The following GULP1 variants were observed in gnomAD, a reference collection of about 807,000 sequenced individuals.
The protein encoded by GULP1 is GULP PTB domain containing engulfment adaptor 1.
Under a neutral mutation model 40.9 loss-of-function variants are expected in GULP1, and 19 were observed. The observed-to-expected ratio is 0.46, with a 90% CI of 0.32 to 0.68. GULP1 has a LOEUF of 0.68. Ranked by LOEUF, GULP1 falls within the 30% of genes least tolerant of loss-of-function variation. GULP1 has a pLI of 0.03. For missense variants in GULP1, 312 were observed against 362.2 expected (o/e 0.86, Z 1.12); for synonymous variants, 119 against 117.6 (o/e 1.01, Z -0.08).
At chr2:188,429,830 C>G (rs924933084) in intron 2 of GULP1, among the ~76,000 whole-genome samples, 2 of 151,700 alleles carry the variant, frequency 1.3e-5, no homozygotes, top group African/African-American at 4.9e-5. Flanking sequence ...CCTGCCTCAG[C>G]CTCCCGAGTA....
chr2:188,432,833 C>T (rs1374020919), intron 2 of GULP1, among the ~76,000 whole-genome samples: 2 of 151,960 alleles, frequency 1.3e-5, no homozygotes, highest in Non-Finnish European at 2.9e-5. Context: ...TTTGGTACCT[C>T]GTGGCCAAAA....
chr2:188,294,797 A>G (rs1245069942), intron 1 of GULP1, among the ~76,000 whole-genome samples: 1 of 152,226 alleles, frequency 6.6e-6, no homozygotes, highest in Non-Finnish European at 1.5e-5. Flanking sequence ...TGAGAATTAA[A>G]GAGATGAAAT....
At chr2:188,341,258 C>T (rs1307200393) in intron 1 of GULP1, among the ~76,000 whole-genome samples, 5 of 152,080 alleles carry the variant, frequency 3.3e-5, no homozygotes, top group South Asian at 4.2e-4. Flanking sequence ...GCAGGCACAT[C>T]GCATGGTGAA....
intron 1 of GULP1, among the ~76,000 whole-genome samples, chr2:188,305,429 T>C (rs2036885199): frequency 6.6e-6 from 1 of 152,204 alleles, no homozygotes; most frequent in Admixed American, 6.5e-5. Flanking sequence ...GGCCTGTCTG[T>C]TCAGACTTTT....
At chr2:188,335,862 T>C (rs1318676072) in intron 1 of GULP1, among the ~76,000 whole-genome samples, 1 of 152,128 alleles carries the variant, frequency 6.6e-6, no homozygotes, top group Non-Finnish European at 1.5e-5. Context: ...AAGCAGAATT[T>C]TGGTTGTGTG....
chr2:188,460,974 A>G (rs1226884610), intron 2 of GULP1, among the ~76,000 whole-genome samples: 3 of 152,228 alleles, frequency 2.0e-5, no homozygotes, highest in Non-Finnish European at 2.9e-5. Context: ...ATTGCATCCT[A>G]AGGGTAAATC....
chr2:188,404,193 C>G (rs1392074172), intron 2 of GULP1, among the ~76,000 whole-genome samples: 1 of 151,740 alleles, frequency 6.6e-6, no homozygotes, highest in Non-Finnish European at 1.5e-5. Flanking sequence ...TAAAAGAAAC[C>G]CTCAATAAAT....
At chr2:188,472,261 G>C (rs1302931237) in intron 2 of GULP1, among the ~76,000 whole-genome samples, 1 of 152,004 alleles carries the variant, frequency 6.6e-6, no homozygotes, top group African/African-American at 2.4e-5. Context: ...TCTTCTTTGT[G>C]TTAAATCTGC....
intron 1 of GULP1, among the ~76,000 whole-genome samples, chr2:188,316,921 C>A (rs1390320081): frequency 2.6e-5 from 4 of 152,122 alleles, no homozygotes; most frequent in Non-Finnish European, 4.4e-5. Context: ...TTCAAGATCT[C>A]ATTTCCTTTA....
At chr2:188,365,714 C>T (rs532748077) in intron 1 of GULP1, among the ~76,000 whole-genome samples, 40 of 152,202 alleles carry the variant, frequency 2.6e-4, no homozygotes, top group African/African-American at 7.7e-4. Context: ...GAGAAGTAAG[C>T]GGACTCTAGT....
chr2:188,395,071 G>T (rs2051046571), intron 2 of GULP1, among the ~76,000 whole-genome samples: 1 of 152,158 alleles, frequency 6.6e-6, no homozygotes, highest in African/African-American at 2.4e-5. Flanking sequence ...AAAGCAGGTG[G>T]ATAAATGCAA....
intron 6 of GULP1, among the ~76,000 whole-genome samples, chr2:188,540,909 C>G (rs1205520240): frequency 1.3e-5 from 2 of 152,084 alleles, no homozygotes; most frequent in Non-Finnish European, 2.9e-5. Flanking sequence ...GCCATTGTAG[C>G]TCAGATAGGC....
At chr2:188,551,842 C>T (rs574325551) in intron 7 of GULP1, among the ~76,000 whole-genome samples, 2 of 151,792 alleles carry the variant, frequency 1.3e-5, no homozygotes, top group South Asian at 2.1e-4. Flanking sequence ...CCTCTGTTAT[C>T]TTTTGTCTTT....
chr2:188,458,178 T>C (rs2059418261), intron 2 of GULP1, among the ~76,000 whole-genome samples: 1 of 152,222 alleles, frequency 6.6e-6, no homozygotes, highest in African/African-American at 2.4e-5. Flanking sequence ...CTGAATGAAT[T>C]GCTTCTGTTC....
chr2:188,333,559 A>G (rs2041897936), intron 1 of GULP1, among the ~76,000 whole-genome samples: 1 of 152,184 alleles, frequency 6.6e-6, no homozygotes, highest in Non-Finnish European at 1.5e-5. Flanking sequence ...CACCCCAAGA[A>G]ACTATTAATC....
At chr2:188,444,274 G>A (rs566100328) in intron 2 of GULP1, among the ~76,000 whole-genome samples, 197 of 152,216 alleles carry the variant, frequency 1.3e-3, no homozygotes, top group African/African-American at 4.4e-3. Context: ...GATGTAAAGT[G>A]TTCTCACCAC....
chr2:188,447,754 CT>C (rs1459636062), intron 2 of GULP1, among the ~76,000 whole-genome samples: 3 of 152,170 alleles, frequency 2.0e-5, no homozygotes, highest in African/African-American at 7.2e-5. Context: ...AGTATATCAA[CT>C]CTTCAGCACT....
At chr2:188,585,114 T>G (rs191251458) in intron 10 of GULP1, among the ~76,000 whole-genome samples, 1 of 152,150 alleles carries the variant, frequency 6.6e-6, no homozygotes, top group African/African-American at 2.4e-5. Context: ...GGGCAGTCAT[T>G]AAATCTTAAA....
At chr2:188,374,609 G>C (rs934113383) in intron 1 of GULP1, among the ~76,000 whole-genome samples, 1 of 152,090 alleles carries the variant, frequency 6.6e-6, no homozygotes, top group Non-Finnish European at 1.5e-5. Flanking sequence ...TTTTTAAAAA[G>C]GGTGCTGATT....
Sources: gnomAD v4.1 joint callset for allele counts (sites outside exome capture counted in the v4.1 genomes callset) on GRCh38, gnomAD v4.1.1 for gene constraint, MANE v1.5 for transcripts, NCBI Gene and HGNC (gene_info 2026-07-23, HGNC 2026-07-21) for gene names.